Variants in GNAQ observed in about 807,000 individuals in gnomAD.
GNAQ encodes the protein guanine nucleotide-binding protein G(q) subunit alpha.
A neutral mutation model predicts 43.9 loss-of-function variants in GNAQ; 8 were observed. That is an observed-to-expected ratio of 0.18 (90% CI 0.11 to 0.33). The LOEUF (loss-of-function observed/expected upper bound fraction) is 0.33. GNAQ is among the 10% of genes least tolerant of loss of function. The pLI is 1.00. For missense variants in GNAQ, 158 were observed against 450.8 expected (o/e 0.35, Z 5.88); for synonymous variants, 155 against 170.7 (o/e 0.91, Z 0.71).
Position 77,720,695 on chromosome 9 carries a change from C to T in GNAQ, c.*628G>A, listed in dbSNP as rs1825296788. On this transcript the variant is annotated 3_prime_UTR_variant, in exon 7 of 7. Coordinates refer to ENST00000286548, the MANE Select transcript of GNAQ (RefSeq NM_002072.5). The stretch of plus-strand genomic sequence containing the variant: ...TAGATGGGCATCCACTGTCCCAGTC[C>T]AAAGTGAGACAAGACAGTATATTCT... 4.3e-6 allele frequency: 1 copy of T among 233,210 alleles called. No individual in the cohort carries two copies. Among genetic ancestry groups the T allele is most frequent in the Admixed American group, 5.6e-5 (1 of 17,788 alleles). The allele number at this position is 233,210 out of a possible 1,614,324, so 14.4% of individuals were successfully genotyped here. A position where few individuals can be genotyped will look rare whatever the true frequency, so the allele number is the denominator to read the frequency against.
At chr9:77,879,960 G>GA (rs1828184099) in intron 2 of GNAQ, among the ~76,000 whole-genome samples, 1 of 152,118 alleles carries the variant, frequency 6.6e-6, no homozygotes, top group Non-Finnish European at 1.5e-5. Context: ...TTTCCTTCAA[G>GA]AAAATTACAA....
chr9:77,831,429 A>G (rs1379097002), intron 2 of GNAQ, among the ~76,000 whole-genome samples: 1 of 152,228 alleles, frequency 6.6e-6, no homozygotes, highest in Non-Finnish European at 1.5e-5. Context: ...CATGCAATTT[A>G]AAACCATCAT....
intron 1 of GNAQ, among the ~76,000 whole-genome samples, chr9:77,980,392 GGA>G (rs1823354216): frequency 6.6e-6 from 1 of 151,932 alleles, no homozygotes; most frequent in Non-Finnish European, 1.5e-5. Context: ...AATATGAGGA[GGA>G]GAATGAGTAT....
At chr9:77,812,281 CAA>C (rs1190656202) in intron 3 of GNAQ, among the ~76,000 whole-genome samples, 1 of 152,116 alleles carries the variant, frequency 6.6e-6, no homozygotes, top group African/African-American at 2.4e-5. Flanking sequence ...ACTAACACAA[CAA>C]GAGACAAGTA....
chr9:78,005,777 G>C (rs1229502717), intron 1 of GNAQ, among the ~76,000 whole-genome samples: 1 of 152,074 alleles, frequency 6.6e-6, no homozygotes, highest in African/African-American at 2.4e-5. Flanking sequence ...TATGTGTTAG[G>C]CATCCCCACG....
At chr9:77,754,543 T>G (rs1418827280) in intron 5 of GNAQ, among the ~76,000 whole-genome samples, 1 of 152,188 alleles carries the variant, frequency 6.6e-6, no homozygotes, top group East Asian at 1.9e-4. Context: ...ATAATCACAC[T>G]CTTCCTTAGG....
intron 5 of GNAQ, among the ~76,000 whole-genome samples, chr9:77,749,432 C>T (rs911797073): frequency 6.6e-6 from 1 of 152,190 alleles, no homozygotes; most frequent in Non-Finnish European, 1.5e-5. Flanking sequence ...TTAGCAGATC[C>T]TTCTATCCTT....
At chr9:78,007,622 A>G (rs1361872709) in intron 1 of GNAQ, among the ~76,000 whole-genome samples, 2 of 152,218 alleles carry the variant, frequency 1.3e-5, no homozygotes, top group East Asian at 3.8e-4. Flanking sequence ...TGTCAGTACA[A>G]CCACATTTTT....
intron 1 of GNAQ, among the ~76,000 whole-genome samples, chr9:77,951,089 G>A (rs1443694532): frequency 1.3e-5 from 1 of 76,710 alleles, no homozygotes; most frequent in East Asian, 4.5e-4. Context: ...GCAGTCAAGT[G>A]TTCTTTTTTT....
chr9:77,833,737 A>G (rs1011868556), intron 2 of GNAQ, among the ~76,000 whole-genome samples: 4 of 152,212 alleles, frequency 2.6e-5, no homozygotes, highest in Non-Finnish European at 5.9e-5. Flanking sequence ...CTAGGAAATT[A>G]GTCTGGTCAT....
chr9:77,827,897 A>G (rs971801773), intron 2 of GNAQ, among the ~76,000 whole-genome samples: 3 of 151,474 alleles, frequency 2.0e-5, no homozygotes, highest in African/African-American at 7.3e-5. Flanking sequence ...CGTCTCTACT[A>G]AAAATACAAA....
At chr9:77,822,548 A>T (rs1019643336) in intron 2 of GNAQ, among the ~76,000 whole-genome samples, 1 of 152,048 alleles carries the variant, frequency 6.6e-6, no homozygotes, top group Non-Finnish European at 1.5e-5. Flanking sequence ...AACAGGAAAA[A>T]CAGATAAAGA....
chr9:77,822,112 C>T (rs1827127031), intron 2 of GNAQ, among the ~76,000 whole-genome samples: 1 of 152,136 alleles, frequency 6.6e-6, no homozygotes, highest in Admixed American at 6.5e-5. Context: ...ATGGCCCTTA[C>T]CTAGAAAGGT....
chr9:78,029,117 TG>T (rs1294090106), intron 1 of GNAQ, among the ~76,000 whole-genome samples: 2 of 152,132 alleles, frequency 1.3e-5, no homozygotes, highest in Non-Finnish European at 2.9e-5. Context: ...TCCATGTAAG[TG>T]TATTTCCCTT....
rs371186753 is a variant in GNAQ at position 77,856,419 on chromosome 9, T to G, written c.322-40649A>C. ...TAGGAAGGAAGGCATGGGGTGGATG[T>G]GTTTTTAACTATTACACATGGATTA... On this transcript the variant is annotated intron_variant, in intron 2 of 6. Transcript: ENST00000286548. Among the ~76,000 whole-genome samples the G allele has an allele frequency of 1.5e-4, 23 of 152,318 alleles. No individual in the cohort carries two copies. The East Asian group carries it at 2.9e-3, about 19-fold the overall frequency.
intron 5 of GNAQ, among the ~76,000 whole-genome samples, chr9:77,752,688 A>C (rs1017125167): frequency 6.6e-6 from 1 of 152,202 alleles, no homozygotes; most frequent in African/African-American, 2.4e-5. Context: ...TTACACCTCA[A>C]CACTGAAGTA....
chr9:77,944,926 G>A (rs1467053238), intron 1 of GNAQ, among the ~76,000 whole-genome samples: 1 of 152,182 alleles, frequency 6.6e-6, no homozygotes. Flanking sequence ...GAGCCACTCT[G>A]CTCATGTGGG....
intron 1 of GNAQ, among the ~76,000 whole-genome samples, chr9:77,989,287 T>C (rs1587448566): frequency 2.6e-5 from 4 of 152,314 alleles, no homozygotes; most frequent in African/African-American, 9.6e-5. Flanking sequence ...ATTAAACATT[T>C]GCCAGCAAAG....
chr9:77,873,284 G>A (rs1264965398), intron 2 of GNAQ, among the ~76,000 whole-genome samples: 5 of 152,240 alleles, frequency 3.3e-5, no homozygotes, highest in East Asian at 1.9e-4. Flanking sequence ...AAAAGGAAAC[G>A]AACCTCATTA....
Sources: allele counts gnomAD v4.1 joint callset (sites outside exome capture counted in the v4.1 genomes callset), GRCh38; gene constraint gnomAD v4.1.1; transcripts MANE v1.5; gene names NCBI Gene and HGNC (gene_info 2026-07-23, HGNC 2026-07-21).